The following N4BP2 variants were observed in gnomAD, a reference collection of about 807,000 sequenced individuals.
The protein encoded by N4BP2 is NEDD4-binding protein 2.
N4BP2 carries 91 observed loss-of-function variants against 152.8 expected under a neutral mutation model. That is an observed-to-expected ratio of 0.60 (90% CI 0.50 to 0.71). N4BP2 has a LOEUF of 0.71. Among genes scored for constraint, N4BP2 ranks in the 30% least tolerant of loss-of-function variants. The probability of loss-of-function intolerance (pLI) is 0.00; values close to 1 mark genes in which losing one functional copy is unlikely to be tolerated. For synonymous variants in N4BP2, 646 were observed against 705.3 expected, an observed-to-expected ratio of 0.92 and a Z score of 1.33; for missense variants, 1,923 against 2,059.1, an observed-to-expected ratio of 0.93 and a Z score of 1.28.
At chr4:40,127,658 A>AAT (rs200612633) in intron 12 of N4BP2, among the ~76,000 whole-genome samples, 1 of 150,436 alleles carries the variant, frequency 6.6e-6, no homozygotes, top group African/African-American at 2.4e-5. Flanking sequence ...TCTCTGAGAA[A>AAT]ATATATATAT....
intron 12 of N4BP2, 59 bp downstream of exon 12, chr4:40,126,389 T>G (rs1718413080): frequency 2.4e-6 from 2 of 816,908 alleles, no homozygotes; most frequent in Non-Finnish European, 3.6e-6. Flanking sequence ...TGTGTATGTT[T>G]ACTTTGTGAT....
chr4:40,152,881 T>G lies in N4BP2; in HGVS notation c.5245T>G (p.Tyr1749Asp). ...TCGCATCAAACCAGCTGTCATTAAGTACCTCATAAGCCATAGCTTCAGGTG... is the reference window on the plus strand; with the variant it reads ...TCGCATCAAACCAGCTGTCATTAAGGACCTCATAAGCCATAGCTTCAGGTG... ...VARIKPAVIKYLISHSFRFSE... is the reference protein window; with the variant it reads ...VARIKPAVIKDLISHSFRFSE... Residue 1749 changes from tyrosine (Y) to aspartate (D), a missense_variant, in exon 17 of 18, where the codon TAC becomes GAC. By Grantham distance (160) the Tyr-to-Asp change is radical (BLOSUM62 -3). Coordinates refer to ENST00000261435, the MANE Select transcript of N4BP2 (RefSeq NM_018177.6). 2 of 1,614,068 alleles carry G rather than the reference T, an allele frequency of 1.2e-6. No individual in the cohort carries two copies. Among genetic ancestry groups the G allele is most frequent in the Non-Finnish European group, 1.7e-6 (2 of 1,179,936 alleles).
rs370046293 is a variant in N4BP2, at chr4:40,097,443, A to G, written c.103A>G (p.Thr35Ala). 1 of 1,614,160 alleles carries G rather than the reference A, an allele frequency of 6.2e-7. No homozygotes were observed. Among genetic ancestry groups the G allele is most frequent in the Non-Finnish European group, 8.5e-7 (1 of 1,180,000 alleles). The change falls in exon 3 of 18, where the codon ACT (threonine) becomes GCT (alanine). Residue 35 changes from threonine to alanine, a missense_variant. Coordinates refer to ENST00000261435, the MANE Select transcript of N4BP2 (RefSeq NM_018177.6). ...SSVASREEPTTTLPSMGETKV... is the reference protein window; with the variant it reads ...SSVASREEPTATLPSMGETKV... ...TGTTGCTAGTCGTGAGGAGCCAACC[A>G]CTACTCTACCTTCCATGGGTGAGAC...
At chr4:40,062,085 T>TC (rs1553917023) in intron 1 of N4BP2, among the ~76,000 whole-genome samples, 1 of 149,260 alleles carries the variant, frequency 6.7e-6, no homozygotes, top group East Asian at 1.9e-4. Flanking sequence ...TTACTTTTTT[T>TC]TTTTTTTTCT....
At chr4:40,062,441 C>T (rs1290706644) in intron 1 of N4BP2, among the ~76,000 whole-genome samples, 1 of 152,126 alleles carries the variant, frequency 6.6e-6, no homozygotes, top group African/African-American at 2.4e-5. Context: ...CAGCTCATCC[C>T]TGCTTTCAGT....
At chr4:40,107,678 G>A (rs568912536) in intron 5 of N4BP2, among the ~76,000 whole-genome samples, 2 of 152,208 alleles carry the variant, frequency 1.3e-5, no homozygotes, top group South Asian at 2.1e-4. Flanking sequence ...GCCACCGTGC[G>A]TGGCCTATAA....
At chr4:40,168,519 A>G in the N4BP2 span, among the ~76,000 whole-genome samples, 1 of 152,166 alleles carries the variant, frequency 6.6e-6, no homozygotes, top group African/African-American at 2.4e-5. Context: ...GCACCAAACA[A>G]TATCATAAAG....
intron 14 of N4BP2, among the ~76,000 whole-genome samples, chr4:40,138,078 T>C (rs1035932432): frequency 5.3e-5 from 8 of 152,196 alleles, no homozygotes; most frequent in African/African-American, 1.9e-4. Context: ...GCCTCTCTAG[T>C]GTCATGAAGG....
At chr4:40,162,848 G>C (rs914690941), downstream of N4BP2, among the ~76,000 whole-genome samples, 2 of 152,200 alleles carry the variant, frequency 1.3e-5, no homozygotes, top group African/African-American at 4.8e-5. Flanking sequence ...GAAGCCAGTA[G>C]CATGGCCAAG....
At chr4:40,089,417 A>G (rs890588588) in intron 2 of N4BP2, among the ~76,000 whole-genome samples, 3 of 144,134 alleles carry the variant, frequency 2.1e-5, no homozygotes, top group African/African-American at 5.1e-5. Context: ...TTGATGAACT[A>G]TAATTTATCA....
chr4:40,112,065 ATTATG>A lies in N4BP2; in HGVS notation c.1499-11_1499-7del, dbSNP rs769041030. ...AGTATTGTTTAAAAAATGATTTTTA[ATTATG>A]TTATGTTTTTCAGCAAAAGAAGCAT... On this transcript the variant is annotated splice_polypyrimidine_tract_variant and intron_variant, in intron 5 of 17. Transcript: ENST00000261435. 87 of 1,271,850 alleles carry A rather than the reference ATTATG, an allele frequency of 6.8e-5. No homozygotes were observed. Among genetic ancestry groups the A allele is most frequent in the East Asian group, 9.4e-5 (4 of 42,388 alleles). 78.8% of individuals were successfully genotyped at this position (1,271,850 alleles called of 1,614,324 possible).
chr4:40,103,249 AGTATAAT>A (rs1715886396), intron 4 of N4BP2, 31 bp downstream of exon 4: 1 of 1,544,798 alleles, frequency 6.5e-7, no homozygotes, highest in Admixed American at 2.0e-5. Context: ...TTTAAAAAAT[AGTATAAT>A]GTCTGAATTT....
intron 2 of N4BP2, among the ~76,000 whole-genome samples, chr4:40,074,282 G>T (rs1712508470): frequency 6.6e-6 from 1 of 152,052 alleles, no homozygotes; most frequent in South Asian, 2.1e-4. Flanking sequence ...GTAGCGATGG[G>T]GTTTCACATA....
At chr4:40,133,879 C>G (rs1335561883) in intron 13 of N4BP2, among the ~76,000 whole-genome samples, 1 of 152,246 alleles carries the variant, frequency 6.6e-6, no homozygotes, top group East Asian at 1.9e-4. Context: ...GATCTTGGCT[C>G]ATTGCAGCCT....
intron 2 of N4BP2, chr4:40,083,083 T>C (rs916470110): frequency 1.2e-4 from 24 of 194,444 alleles, no homozygotes; most frequent in Non-Finnish European, 2.2e-4. Flanking sequence ...CCTGTGCCTG[T>C]TCTGTATTAT....
In N4BP2 at chr4:40,097,325, A is replaced by G. The variant is rs766350568; in HGVS notation, c.-16A>G. 1.9e-6 allele frequency: 3 copies of G among 1,599,162 alleles called. No individual in the cohort carries two copies. On this transcript the variant is annotated 5_prime_UTR_variant, in exon 3 of 18. An upstream open reading frame in the 5' UTR loses its in-frame stop. Transcript: ENST00000261435. ...TTAACTAAGAAAAGGGAAACATTTTAGTTTTGGAAGTCAGAATGCCAAGGA... is the reference window on the plus strand; with the variant it reads ...TTAACTAAGAAAAGGGAAACATTTTGGTTTTGGAAGTCAGAATGCCAAGGA...
the N4BP2 span, among the ~76,000 whole-genome samples, chr4:40,170,429 G>A: frequency 2.0e-5 from 3 of 152,202 alleles, no homozygotes; most frequent in South Asian, 4.1e-4. Flanking sequence ...GACCAGCCTC[G>A]GCAACATGAC....
chr4:40,184,181 T>C, the N4BP2 span, among the ~76,000 whole-genome samples: 1 of 152,170 alleles, frequency 6.6e-6, no homozygotes, highest in Non-Finnish European at 1.5e-5. Flanking sequence ...CAGGTAGTCA[T>C]CTATGTTAAA....
intron 16 of N4BP2, among the ~76,000 whole-genome samples, chr4:40,147,173 A>T (rs1471828595): frequency 6.7e-6 from 1 of 149,950 alleles, no homozygotes; most frequent in East Asian, 1.9e-4. Flanking sequence ...ACCGCCCTTA[A>T]TCCATTTAAC....
Sources: gnomAD v4.1 joint callset for allele counts (sites outside exome capture counted in the v4.1 genomes callset) on GRCh38, gnomAD v4.1.1 for gene constraint, MANE v1.5 for transcripts, NCBI Gene and HGNC (gene_info 2026-07-23, HGNC 2026-07-21) for gene names.